The following OR2M5 variants were observed in gnomAD, a reference collection of about 807,000 sequenced individuals.
The protein encoded by OR2M5 is olfactory receptor family 2 subfamily M member 5, also known as olfactory receptor 2M5.
For synonymous variants in OR2M5, 164 were observed against 139.6 expected (o/e 1.18, Z -1.23); for missense variants, 413 against 389.3 (o/e 1.06, Z -0.51).
Position 248,145,930 on chromosome 1 carries a change from G to T in OR2M5, c.783G>T (p.Arg261=). 1 of 1,613,894 alleles carries T rather than the reference G, an allele frequency of 6.2e-7. No individual in the cohort carries two copies. The highest frequency in any genetic ancestry group is 8.5e-7 in the Non-Finnish European group (1 of 1,179,916). The change falls in exon 1 of 1, where the codon CGG becomes CGT. Residue 261 remains arginine (R), a synonymous_variant. Transcript: ENST00000366476. ...YYGAGLFMYI[R]PTSDRSPMQD... ...GAGCAGGTTTGTTCATGTACATACG[G>T]CCCACATCTGATCGCTCCCCTATGC...
chr1:248,145,675 C>T lies in OR2M5; in HGVS notation c.528C>T (p.His176=). 6.2e-7 allele frequency: 1 copy of T among 1,613,806 alleles called. No homozygotes were observed. The highest frequency in any genetic ancestry group is 8.5e-7 in the Non-Finnish European group (1 of 1,179,776). Residue 176 remains histidine (H), a synonymous_variant, in exon 1 of 1, where the codon CAC becomes CAT. Coordinates refer to ENST00000366476, the MANE Select transcript of OR2M5 (RefSeq NM_001004690.1). The stretch of plus-strand genomic sequence containing the variant: ...ACTGTGGGTCTCGGGAAATAGCCCA[C>T]TTCTTCTGTGACTTCCCTTCCCTAC... ...FSYCGSREIA[H]FFCDFPSLLI... is the part of the protein sequence containing the mutation.
rs1665425756 is a variant in OR2M5, at chr1:248,146,001, T to C, written c.854T>C (p.Leu285Pro). The change falls in exon 1 of 1, where the codon CTG (leucine) becomes CCG (proline). Residue 285 changes from leucine to proline, a missense_variant. By Grantham distance (98) the Leu-to-Pro change is moderately conservative (BLOSUM62 -3). Coordinates refer to ENST00000366476, the MANE Select transcript of OR2M5 (RefSeq NM_001004690.1). ...TTCTACACCATCCTCACTCCCATGCTGAATCCCCTCATCTACAGCCTCCGC... is the reference window on the plus strand; with the variant it reads ...TTCTACACCATCCTCACTCCCATGCCGAATCCCCTCATCTACAGCCTCCGC... Reference protein sequence around the residue: ...SVFYTILTPMLNPLIYSLRNK... With the variant: ...SVFYTILTPMPNPLIYSLRNK... The C allele has an allele frequency of 6.2e-7, 1 of 1,613,782 alleles. No individual in the cohort carries two copies. The highest frequency in any genetic ancestry group is 1.3e-5 in the African/African-American group (1 of 74,888).
Position 248,145,433 on chromosome 1 carries a change from G to C in OR2M5, c.286G>C (p.Gly96Arg). The change falls in exon 1 of 1, where the codon GGT becomes CGT. Residue 96 changes from glycine (G) to arginine (R), a missense_variant. Physicochemically the swap from Gly to Arg is moderately radical, Grantham distance 125. Coordinates refer to ENST00000366476, the MANE Select transcript of OR2M5 (RefSeq NM_001004690.1). ...TGGCAGCAAGTCCATTTCTATGGCTGGTTGTGCCACACAAATTTTCTTCTA... is the reference window on the plus strand; with the variant it reads ...TGGCAGCAAGTCCATTTCTATGGCTCGTTGTGCCACACAAATTTTCTTCTA... ...LSGSKSISMA[G>R]CATQIFFYVS... 6 of 1,614,058 alleles carry C rather than the reference G, an allele frequency of 3.7e-6. No homozygotes were observed. The highest frequency in any genetic ancestry group is 5.1e-6 in the Non-Finnish European group (6 of 1,179,950).
In OR2M5 at chr1:248,145,478, G is replaced by T; in HGVS notation, c.331G>T (p.Glu111Ter). The change falls in exon 1 of 1, where the codon GAA becomes TAA. Residue 111 changes from glutamate to a stop codon, truncating the protein, a stop_gained. Coordinates refer to ENST00000366476, the MANE Select transcript of OR2M5 (RefSeq NM_001004690.1). LOFTEE classifies it low-confidence loss of function (END_TRUNC). ...IFFYVSLLGS[E>*]CFLLAVMSYD... is the part of the protein sequence containing the mutation. Reference sequence around the variant, plus strand: ...CTTCTATGTATCACTGCTTGGCTCCGAATGCTTTCTGTTGGCTGTTATGTC... The same window carrying T: ...CTTCTATGTATCACTGCTTGGCTCCTAATGCTTTCTGTTGGCTGTTATGTC... 1 of 1,613,964 alleles carries T rather than the reference G, an allele frequency of 6.2e-7. No homozygotes were observed. The highest frequency in any genetic ancestry group is 8.5e-7 in the Non-Finnish European group (1 of 1,179,944).
Position 248,145,635 on chromosome 1 carries a change from C to T in OR2M5, c.488C>T (p.Thr163Ile). The T allele has an allele frequency of 6.2e-7, 1 of 1,613,778 alleles. No individual in the cohort carries two copies. Among genetic ancestry groups the T allele is most frequent in the Admixed American group, 1.7e-5 (1 of 59,974 alleles). The part of the protein sequence containing the change: ...SMDAIIDAVA[T>I]FSFSYCGSRE... Reference sequence around the variant, plus strand: ...GATGCAATCATTGATGCTGTAGCGACATTTTCCTTCTCCTACTGTGGGTCT... The same window carrying T: ...GATGCAATCATTGATGCTGTAGCGATATTTTCCTTCTCCTACTGTGGGTCT... The change falls in exon 1 of 1, where the codon ACA (threonine) becomes ATA (isoleucine). Residue 163 changes from threonine (T) to isoleucine (I), a missense_variant. Physicochemically the swap from Thr to Ile is moderately conservative, Grantham distance 89. Coordinates refer to ENST00000366476, the MANE Select transcript of OR2M5 (RefSeq NM_001004690.1).
Position 248,145,816 on chromosome 1 carries a change from G to A in OR2M5, c.669G>A (p.Leu223=). 1 of 1,613,162 alleles carries A rather than the reference G, an allele frequency of 6.2e-7. No individual in the cohort carries two copies. Among genetic ancestry groups the A allele is most frequent in the Non-Finnish European group, 8.5e-7 (1 of 1,179,806 alleles). ...IIIASYARVI[L]AVIHMGSGEG... ...TCGCTTCCTATGCTCGAGTTATTCT[G>A]GCTGTCATTCACATGGGATCTGGAG... The change falls in exon 1 of 1, where the codon CTG becomes CTA. Residue 223 remains leucine, a synonymous_variant. Coordinates refer to ENST00000366476, the MANE Select transcript of OR2M5 (RefSeq NM_001004690.1).
In OR2M5 at chr1:248,145,972, T is replaced by C; in HGVS notation, c.825T>C (p.Ser275=). ...DRSPMQDKLV[S]VFYTILTPML... Reference sequence around the variant, plus strand: ...CCCCTATGCAGGACAAGCTGGTGTCTGTATTCTACACCATCCTCACTCCCA... The same window carrying C: ...CCCCTATGCAGGACAAGCTGGTGTCCGTATTCTACACCATCCTCACTCCCA... Residue 275 remains serine (S), a synonymous_variant, in exon 1 of 1, where the codon TCT becomes TCC. Coordinates refer to ENST00000366476, the MANE Select transcript of OR2M5 (RefSeq NM_001004690.1). 1 of 1,613,992 alleles carries C rather than the reference T, an allele frequency of 6.2e-7. No homozygotes were observed. Among genetic ancestry groups the C allele is most frequent in the Non-Finnish European group, 8.5e-7 (1 of 1,179,922 alleles).
At position 248,145,367 on chromosome 1, in the gene OR2M5, A is replaced by T; in HGVS notation, c.220A>T (p.Ile74Phe). ...SQLFLMDLML[I>F]CSTVPKMAFN... Reference sequence around the variant, plus strand: ...ACTGTTCCTCATGGACCTCATGCTCATCTGCTCTACCGTACCCAAGATGGC... The same window carrying T: ...ACTGTTCCTCATGGACCTCATGCTCTTCTGCTCTACCGTACCCAAGATGGC... Residue 74 changes from isoleucine (I) to phenylalanine (F), a missense_variant, in exon 1 of 1, where the codon ATC becomes TTC. By Grantham distance (21) the Ile-to-Phe change is conservative. Transcript: ENST00000366476. 1 of 1,613,994 alleles carries T rather than the reference A, an allele frequency of 6.2e-7. No individual in the cohort carries two copies.
Position 248,145,379 on chromosome 1 carries a change from G to A in OR2M5, c.232G>A (p.Val78Ile), listed in dbSNP as rs563821109. 32 of 1,613,906 alleles carry A rather than the reference G, an allele frequency of 2.0e-5. No homozygotes were observed. The highest frequency in any genetic ancestry group is 8.3e-5 in the Admixed American group (5 of 59,988). Residue 78 changes from valine (V) to isoleucine (I), a missense_variant, in exon 1 of 1, where the codon GTA (valine) becomes ATA (isoleucine). Physicochemically the swap from Val to Ile is conservative, Grantham distance 29 (BLOSUM62 3). Transcript: ENST00000366476. ...LMDLMLICSTVPKMAFNYLSG... is the reference protein window; with the variant it reads ...LMDLMLICSTIPKMAFNYLSG... The stretch of plus-strand genomic sequence containing the variant: ...GGACCTCATGCTCATCTGCTCTACC[G>A]TACCCAAGATGGCCTTCAACTACTT...
At position 248,145,477 on chromosome 1, in the gene OR2M5, C is replaced by T. The variant is rs775048825; in HGVS notation, c.330C>T (p.Ser110=). ...TCTTCTATGTATCACTGCTTGGCTC[C>T]GAATGCTTTCTGTTGGCTGTTATGT... ...QIFFYVSLLG[S]ECFLLAVMSY... Residue 110 remains serine, a synonymous_variant, in exon 1 of 1, where the codon TCC becomes TCT. Coordinates refer to ENST00000366476, the MANE Select transcript of OR2M5 (RefSeq NM_001004690.1). 2.5e-5 allele frequency: 41 copies of T among 1,613,742 alleles called. No homozygotes were observed. The highest frequency in any genetic ancestry group is 1.3e-4 in the African/African-American group (10 of 74,756).
Position 248,145,810 on chromosome 1 carries a change from T to C in OR2M5, c.663T>C (p.Val221=). Residue 221 remains valine, a synonymous_variant, in exon 1 of 1, where the codon GTT becomes GTC. Transcript: ENST00000366476. ...TCATCATCGCTTCCTATGCTCGAGT[T>C]ATTCTGGCTGTCATTCACATGGGAT... The part of the protein sequence containing the change: ...VAIIIASYAR[V]ILAVIHMGSG... The C allele has an allele frequency of 6.2e-7, 1 of 1,613,306 alleles. No homozygotes were observed. Among genetic ancestry groups the C allele is most frequent in the Non-Finnish European group, 8.5e-7 (1 of 1,179,804 alleles).
In OR2M5 at chr1:248,145,552, C is replaced by T; in HGVS notation, c.405C>T (p.Leu135=). ...GCCACCCTCTAAGATACACCAATCT[C>T]ATGAGACCCAAAATTTGTGGACTTA... The part of the protein sequence containing the change: ...AICHPLRYTN[L]MRPKICGLMT... The change falls in exon 1 of 1, where the codon CTC becomes CTT. Residue 135 remains leucine, a synonymous_variant. Coordinates refer to ENST00000366476, the MANE Select transcript of OR2M5 (RefSeq NM_001004690.1). 5 of 1,613,914 alleles carry T rather than the reference C, an allele frequency of 3.1e-6. No homozygotes were observed. Among genetic ancestry groups the T allele is most frequent in the Non-Finnish European group, 3.4e-6 (4 of 1,179,880 alleles).
In OR2M5 at chr1:248,145,405, GT is replaced by G. The variant is rs777556104; in HGVS notation, c.259del (p.Ser87LeufsTer44). ...TACCCAAGATGGCCTTCAACTACTTGTCTGGCAGCAAGTCCATTTCTATGGC... is the reference window on the plus strand; with the variant it reads ...TACCCAAGATGGCCTTCAACTACTTGCTGGCAGCAAGTCCATTTCTATGGC... Reference protein sequence around the residue: ...TVPKMAFNYLSGSKSISMAGC... With the variant: ...TVPKMAFNYLXGSKSISMAGC... On this transcript the variant is annotated frameshift_variant, in exon 1 of 1. Coordinates refer to ENST00000366476, the MANE Select transcript of OR2M5 (RefSeq NM_001004690.1). LOFTEE classifies it low-confidence loss of function (END_TRUNC). 2.4e-5 allele frequency: 38 copies of G among 1,614,018 alleles called. No homozygotes were observed. The Admixed American group carries it at 4.8e-4, about 21-fold the overall frequency.
Position 248,145,434 on chromosome 1 carries a change from G to C in OR2M5, c.287G>C (p.Gly96Ala), listed in dbSNP as rs771705133. The C allele has an allele frequency of 6.8e-6, 11 of 1,614,052 alleles. No individual in the cohort carries two copies. Among genetic ancestry groups the C allele is most frequent in the Non-Finnish European group, 8.5e-6 (10 of 1,179,952 alleles). ...LSGSKSISMA[G>A]CATQIFFYVS... ...GGCAGCAAGTCCATTTCTATGGCTG[G>C]TTGTGCCACACAAATTTTCTTCTAT... The change falls in exon 1 of 1, where the codon GGT becomes GCT. Residue 96 changes from glycine to alanine, a missense_variant. By Grantham distance (60) the Gly-to-Ala change is moderately conservative. Transcript: ENST00000366476.
rs1289087631 is a variant in OR2M5 at position 248,145,198 on chromosome 1, C to T, written c.51C>T (p.Ile17=). The change falls in exon 1 of 1, where the codon ATC becomes ATT. Residue 17 remains isoleucine (I), a synonymous_variant. Transcript: ENST00000366476. ...TFNSDFILLG[I]FNHSPTHTFL... is the part of the protein sequence containing the mutation. ...ACTCTGACTTCATCCTCCTGGGAATCTTCAATCACAGCCCCACCCACACCT... is the reference window on the plus strand; with the variant it reads ...ACTCTGACTTCATCCTCCTGGGAATTTTCAATCACAGCCCCACCCACACCT... 1.2e-6 allele frequency: 2 copies of T among 1,613,860 alleles called. No homozygotes were observed. The highest frequency in any genetic ancestry group is 1.7e-6 in the Non-Finnish European group (2 of 1,179,870).
rs1208396477 is a variant in OR2M5 at position 248,145,590 on chromosome 1, C to T, written c.443C>T (p.Ser148Phe). 6.2e-7 allele frequency: 1 copy of T among 1,613,792 alleles called. No homozygotes were observed. The change falls in exon 1 of 1, where the codon TCC becomes TTC. Residue 148 changes from serine to phenylalanine, a missense_variant. By Grantham distance (155) the Ser-to-Phe change is radical. Transcript: ENST00000366476. ...PKICGLMTAF[S>F]WILGSMDAII... ...ATTTGTGGACTTATGACTGCCTTCT[C>T]CTGGATCCTGGGCTCTATGGATGCA...
rs1451952490 is a variant in OR2M5 at position 248,145,831 on chromosome 1, G to A, written c.684G>A (p.Met228Ile). ...YARVILAVIH[M>I]GSGEGRRKAF... ...GAGTTATTCTGGCTGTCATTCACAT[G>A]GGATCTGGAGAGGGTCGTCGCAAAG... is the stretch of plus-strand genomic sequence containing the variant. Residue 228 changes from methionine to isoleucine, a missense_variant, in exon 1 of 1, where the codon ATG becomes ATA. Coordinates refer to ENST00000366476, the MANE Select transcript of OR2M5 (RefSeq NM_001004690.1). 6.2e-7 allele frequency: 1 copy of A among 1,613,220 alleles called. No individual in the cohort carries two copies. The highest frequency in any genetic ancestry group is 8.5e-7 in the Non-Finnish European group (1 of 1,179,796).
In OR2M5 at chr1:248,145,312, C is replaced by T. The variant is rs1665409916; in HGVS notation, c.165C>T (p.Leu55=). The T allele has an allele frequency of 6.2e-7, 1 of 1,614,000 alleles. No homozygotes were observed. Among genetic ancestry groups the T allele is most frequent in the Admixed American group, 1.7e-5 (1 of 59,992 alleles). Residue 55 remains leucine (L), a synonymous_variant, in exon 1 of 1, where the codon CTC becomes CTT. Coordinates refer to ENST00000366476, the MANE Select transcript of OR2M5 (RefSeq NM_001004690.1). ...TCCTCATCTACCTGGACACCCAGCT[C>T]CACACCCCCATGTACTTCCTCCTCA... The part of the protein sequence containing the change: ...MVLLIYLDTQ[L]HTPMYFLLSQ...
At position 248,145,188 on chromosome 1, in the gene OR2M5, T is replaced by C. The variant is rs1403694658; in HGVS notation, c.41T>C (p.Leu14Pro). ...CAGACCTTCAACTCTGACTTCATCC[T>C]CCTGGGAATCTTCAATCACAGCCCC... is the stretch of plus-strand genomic sequence containing the variant. ...ENQTFNSDFI[L>P]LGIFNHSPTH... is the part of the protein sequence containing the mutation. The change falls in exon 1 of 1, where the codon CTC becomes CCC. Residue 14 changes from leucine (L) to proline (P), a missense_variant. Leu to Pro is a moderately conservative substitution (Grantham distance 98). Coordinates refer to ENST00000366476, the MANE Select transcript of OR2M5 (RefSeq NM_001004690.1). The C allele has an allele frequency of 1.9e-6, 3 of 1,613,774 alleles. No homozygotes were observed. In the Admixed American group the frequency reaches 5.0e-5, roughly 27 times the overall value.
Sources: allele counts gnomAD v4.1 joint callset, GRCh38; gene constraint gnomAD v4.1.1; transcripts MANE v1.5; gene names NCBI Gene and HGNC (gene_info 2026-07-23, HGNC 2026-07-21).